The following ZCCHC24 variants were observed in gnomAD, a reference collection of about 807,000 sequenced individuals.
ZCCHC24 encodes zinc finger CCHC-type containing 24.
In ZCCHC24, 10 loss-of-function variants were observed where a neutral mutation model predicts 26.2. That is an observed-to-expected ratio of 0.38 (90% CI 0.24 to 0.65). The LOEUF (loss-of-function observed/expected upper bound fraction) is 0.65. Among genes scored for constraint, ZCCHC24 ranks in the 30% least tolerant of loss-of-function variants. The pLI is 0.54. For missense variants in ZCCHC24, 243 were observed against 329.1 expected, an observed-to-expected ratio of 0.74 and a Z score of 2.03; for synonymous variants, 144 against 147.1, an observed-to-expected ratio of 0.98 and a Z score of 0.15.
At chr10:79,415,624 C>T (rs995303954) in intron 2 of ZCCHC24, among the ~76,000 whole-genome samples, 3 of 152,190 alleles carry the variant, frequency 2.0e-5, no homozygotes, top group Non-Finnish European at 1.5e-5. Flanking sequence ...AGGGTACCCC[C>T]TCACTCCTCC....
intron 3 of ZCCHC24, among the ~76,000 whole-genome samples, chr10:79,388,390 G>A (rs531030888): frequency 8.0e-4 from 122 of 152,302 alleles, no homozygotes; most frequent in African/African-American, 2.8e-3. Context: ...CCTCCATCTG[G>A]GGCTTGGGTG....
At chr10:79,431,093 C>T (rs763792782) in intron 2 of ZCCHC24, among the ~76,000 whole-genome samples, 8 of 152,244 alleles carry the variant, frequency 5.3e-5, no homozygotes, top group Non-Finnish European at 8.8e-5. Flanking sequence ...CTCAGTCTGG[C>T]TCTGCCCACT....
intron 2 of ZCCHC24, among the ~76,000 whole-genome samples, chr10:79,404,856 A>G (rs1856689347): frequency 6.6e-6 from 1 of 152,116 alleles, no homozygotes; most frequent in Non-Finnish European, 1.5e-5. Flanking sequence ...CACTCAAATA[A>G]AGAAAAGTCA....
chr10:79,411,339 T>TC (rs1178377384), intron 2 of ZCCHC24, among the ~76,000 whole-genome samples: 1 of 151,914 alleles, frequency 6.6e-6, no homozygotes, highest in Admixed American at 6.6e-5. Context: ...ACACACACAC[T>TC]CCCCTGCAGG....
intron 3 of ZCCHC24, among the ~76,000 whole-genome samples, chr10:79,389,454 C>G (rs1442789423): frequency 6.6e-6 from 1 of 151,986 alleles, no homozygotes; most frequent in Non-Finnish European, 1.5e-5. Flanking sequence ...TGGGAAGGAT[C>G]TTTCTCCTCC....
intron 2 of ZCCHC24, among the ~76,000 whole-genome samples, chr10:79,413,659 G>A (rs1173055416): frequency 6.6e-6 from 1 of 152,220 alleles, no homozygotes; most frequent in East Asian, 1.9e-4. Flanking sequence ...ACAACCGGGA[G>A]TTCAGGGCCC....
chr10:79,443,881 G>C (rs1857321242), intron 1 of ZCCHC24, among the ~76,000 whole-genome samples: 2 of 152,232 alleles, frequency 1.3e-5, no homozygotes, highest in African/African-American at 4.8e-5. Context: ...TCTGCACCCA[G>C]CCCCCTCCCA....
intron 2 of ZCCHC24, among the ~76,000 whole-genome samples, chr10:79,408,423 G>T (rs143064650): frequency 6.6e-5 from 10 of 152,240 alleles, no homozygotes; most frequent in Non-Finnish European, 1.5e-4. Context: ...TTGTCTGCAG[G>T]CCAAACAACC....
At chr10:79,401,192 T>C (rs1199588259) in intron 2 of ZCCHC24, among the ~76,000 whole-genome samples, 1 of 152,202 alleles carries the variant, frequency 6.6e-6, no homozygotes, top group Admixed American at 6.5e-5. Flanking sequence ...GTTCCAGCTA[T>C]AGGCCTCGAT....
intron 3 of ZCCHC24, among the ~76,000 whole-genome samples, chr10:79,392,540 C>T (rs1050348172): frequency 1.3e-5 from 2 of 152,234 alleles, no homozygotes; most frequent in Non-Finnish European, 2.9e-5. Flanking sequence ...CAGCCCTTTG[C>T]TGTCTTCTAG....
chr10:79,387,221 C>T (rs1856408852), intron 3 of ZCCHC24, among the ~76,000 whole-genome samples: 1 of 152,174 alleles, frequency 6.6e-6, no homozygotes, highest in Admixed American at 6.5e-5. Flanking sequence ...CGGGCCTGTC[C>T]TGCCACACAC....
intron 1 of ZCCHC24, among the ~76,000 whole-genome samples, chr10:79,440,344 C>A (rs1163273097): frequency 6.6e-6 from 1 of 152,230 alleles, no homozygotes; most frequent in African/African-American, 2.4e-5. Flanking sequence ...CTCATGCCCC[C>A]ATGCTGGGTT....
chr10:79,421,443 C>T (rs1300483276), intron 2 of ZCCHC24, among the ~76,000 whole-genome samples: 1 of 151,068 alleles, frequency 6.6e-6, no homozygotes, highest in Non-Finnish European at 1.5e-5. Context: ...CTTCCCCCTC[C>T]CTCCCTTCCT....
intron 2 of ZCCHC24, among the ~76,000 whole-genome samples, chr10:79,418,969 CG>C (rs5786401): frequency 0.13 from 20,370 of 152,084 alleles, 2,442 homozygotes; most frequent in African/African-American, 0.32. Context: ...ATTGCAGACT[CG>C]GGGACAGTGT....
intron 2 of ZCCHC24, among the ~76,000 whole-genome samples, chr10:79,401,619 G>T (rs1474193234): frequency 6.6e-6 from 1 of 152,232 alleles, no homozygotes; most frequent in Non-Finnish European, 1.5e-5. Context: ...CTGGCATGCT[G>T]GGGGCATCCC....
At position 79,445,611 on chromosome 10, in the gene ZCCHC24, G is replaced by T. The variant is rs1288270597; in HGVS notation, c.-171C>A. The T allele has an allele frequency of 1.1e-5, 5 of 436,926 alleles. No individual in the cohort carries two copies. The highest frequency in any genetic ancestry group is 2.2e-5 in the African/African-American group (1 of 46,424). 27.1% of individuals were successfully genotyped at this position (436,926 alleles called of 1,614,324 possible). A position where few individuals can be genotyped will look rare whatever the true frequency, so the allele number is the denominator to read the frequency against. ...GCCCGCAGCCGCTGCCGCTGCCGCC[G>T]CCTCCCCCCGACTGCGGCCCCGGCG... On this transcript the variant is annotated 5_prime_UTR_variant, in exon 1 of 4. Transcript: ENST00000372336.
At chr10:79,444,093 A>C in intron 1 of ZCCHC24, 1 of 1,544,338 alleles carries the variant, frequency 6.5e-7, no homozygotes, top group Non-Finnish European at 8.7e-7. Flanking sequence ...TGACTCTCCT[A>C]AAACTCACCG....
chr10:79,383,617 T>A lies in ZCCHC24; in HGVS notation c.*2728A>T, dbSNP rs1856351672. 6.8e-6 allele frequency: 1 copy of A among 147,804 alleles called. No individual in the cohort carries two copies. The highest frequency in any genetic ancestry group is 2.5e-5 in the African/African-American group (1 of 40,208). The allele number at this position is 147,804 out of a possible 1,614,324, so 9.2% of individuals were successfully genotyped here. ...GTTTTAATCTCAAAAATCAAACAAT[T>A]ATATTTTTCTTTTCTTTTTTTTTTT... On this transcript the variant is annotated 3_prime_UTR_variant, in exon 4 of 4. Coordinates refer to ENST00000372336, the MANE Select transcript of ZCCHC24 (RefSeq NM_153367.4).
chr10:79,426,939 C>T (rs2132211615), intron 2 of ZCCHC24, among the ~76,000 whole-genome samples: 1 of 152,122 alleles, frequency 6.6e-6, no homozygotes, highest in South Asian at 2.1e-4. Context: ...TATATGCTAT[C>T]TACAGGAGAT....
Sources: allele counts gnomAD v4.1 joint callset (sites outside exome capture counted in the v4.1 genomes callset), GRCh38; gene constraint gnomAD v4.1.1; transcripts MANE v1.5; gene names NCBI Gene and HGNC (gene_info 2026-07-23, HGNC 2026-07-21).